The following EXT1 variants were observed in gnomAD, a reference collection of about 807,000 sequenced individuals.
EXT1 encodes the protein exostosin-1.
Under a neutral mutation model 82.5 loss-of-function variants are expected in EXT1, and 20 were observed. The observed-to-expected ratio is 0.24, with a 90% CI of 0.17 to 0.35. The LOEUF (loss-of-function observed/expected upper bound fraction) is 0.35. Among genes scored for constraint, EXT1 ranks in the 10% least tolerant of loss-of-function variants. EXT1 has a pLI of 1.00. For missense variants in EXT1, 757 were observed against 936.5 expected, an observed-to-expected ratio of 0.81 and a Z score of 2.50; for synonymous variants, 348 against 350.8, an observed-to-expected ratio of 0.99 and a Z score of 0.09.
At chr8:117,911,070 G>A (rs142132595) in intron 1 of EXT1, among the ~76,000 whole-genome samples, 3 of 152,254 alleles carry the variant, frequency 2.0e-5, no homozygotes, top group Non-Finnish European at 4.4e-5. Context: ...ACAATAACAC[G>A]TGCTCTCCAA....
At chr8:117,858,779 AGGC>A (rs1587014754) in intron 1 of EXT1, among the ~76,000 whole-genome samples, 1 of 131,086 alleles carries the variant, frequency 7.6e-6, no homozygotes, top group African/African-American at 3.5e-5. Flanking sequence ...GCAGGCAGGC[AGGC>A]AGGCAGGCAA....
chr8:118,070,073 C>T (rs1027834104), intron 1 of EXT1, among the ~76,000 whole-genome samples: 15 of 152,116 alleles, frequency 9.9e-5, no homozygotes, highest in African/African-American at 3.1e-4. Context: ...TTAAAGTAAA[C>T]ATAAAAATAT....
At chr8:117,845,130 C>T (rs554733558) in intron 1 of EXT1, among the ~76,000 whole-genome samples, 2 of 152,306 alleles carry the variant, frequency 1.3e-5, no homozygotes, top group African/African-American at 4.8e-5. Context: ...AAATCCATTT[C>T]AGCATAGGGA....
chr8:118,105,369 G>A (rs1400974612), intron 1 of EXT1, among the ~76,000 whole-genome samples: 1 of 152,192 alleles, frequency 6.6e-6, no homozygotes, highest in Non-Finnish European at 1.5e-5. Context: ...TTAGTAACAA[G>A]CCATTATTCG....
intron 1 of EXT1, among the ~76,000 whole-genome samples, chr8:118,002,753 C>T (rs1056742597): frequency 4.6e-5 from 7 of 151,892 alleles, no homozygotes; most frequent in African/African-American, 1.7e-4. Context: ...AGGATGGTCT[C>T]GATTTCCTGA....
At chr8:117,876,770 G>A (rs1326487819) in intron 1 of EXT1, among the ~76,000 whole-genome samples, 4 of 152,170 alleles carry the variant, frequency 2.6e-5, no homozygotes, top group African/African-American at 9.7e-5. Context: ...AGTCACTAGT[G>A]ATTGGAGATT....
chr8:117,857,960 A>G (rs1812594705), intron 1 of EXT1, among the ~76,000 whole-genome samples: 1 of 152,212 alleles, frequency 6.6e-6, no homozygotes, highest in Non-Finnish European at 1.5e-5. Flanking sequence ...GGAGTTCAAG[A>G]CTTCAGAAGA....
intron 1 of EXT1, among the ~76,000 whole-genome samples, chr8:117,902,117 C>T (rs1813461212): frequency 6.6e-6 from 1 of 151,766 alleles, no homozygotes; most frequent in Non-Finnish European, 1.5e-5. Flanking sequence ...GTATCTCTGT[C>T]TTCCATCTCC....
chr8:118,095,769 T>G (rs2130008976), intron 1 of EXT1, among the ~76,000 whole-genome samples: 1 of 152,344 alleles, frequency 6.6e-6, no homozygotes, highest in South Asian at 2.1e-4. Flanking sequence ...TCACCAAATC[T>G]GAATCAATTT....
Position 117,821,681 on chromosome 8 carries a change from A to AACGGC in EXT1, c.1417+779_1417+783dup, listed in dbSNP as rs368947777. Among the ~76,000 whole-genome samples, 10 of 152,340 alleles carry AACGGC rather than the reference A, an allele frequency of 6.6e-5. No homozygotes were observed. The East Asian group carries it at 1.9e-3, about 29-fold the overall frequency. ...AAAGGGTGAGGGTGTTACGGAGAAC[A>AACGGC]ACGGCACTGAATGGAAAATCTTGTC... On this transcript the variant is annotated intron_variant, in intron 5 of 10. Transcript: ENST00000378204.
chr8:117,947,356 G>A (rs947292814), intron 1 of EXT1, among the ~76,000 whole-genome samples: 1 of 152,076 alleles, frequency 6.6e-6, no homozygotes, highest in African/African-American at 2.4e-5. Flanking sequence ...ATGTTTACAT[G>A]AAAAATATAC....
intron 1 of EXT1, among the ~76,000 whole-genome samples, chr8:118,066,355 T>TATTG (rs1816987244): frequency 6.6e-6 from 1 of 150,882 alleles, no homozygotes; most frequent in Non-Finnish European, 1.5e-5. Flanking sequence ...TTTATTTATT[T>TATTG]ATTTATTTAT....
At chr8:117,870,823 T>TCACACACACACA (rs59973422) in intron 1 of EXT1, among the ~76,000 whole-genome samples, 5,426 of 146,794 alleles carry the variant, frequency 0.037, 310 homozygotes, top group African/African-American at 0.13. Flanking sequence ...AAATGCTTTG[T>TCACACACACACA]CACACACACA....
intron 1 of EXT1, among the ~76,000 whole-genome samples, chr8:118,092,029 C>T (rs1449933916): frequency 6.6e-6 from 1 of 152,072 alleles, no homozygotes; most frequent in Non-Finnish European, 1.5e-5. Flanking sequence ...TCTCATGAAC[C>T]TAATTGTTAT....
intron 1 of EXT1, among the ~76,000 whole-genome samples, chr8:117,844,881 C>A (rs1563577757): frequency 6.7e-6 from 1 of 149,762 alleles, no homozygotes; most frequent in Non-Finnish European, 1.5e-5. Context: ...TTACTCAAGA[C>A]AGTTTTTTGC....
intron 1 of EXT1, among the ~76,000 whole-genome samples, chr8:118,002,706 G>C (rs1815697929): frequency 6.6e-6 from 1 of 151,460 alleles, no homozygotes; most frequent in African/African-American, 2.4e-5. Context: ...TAATTTTTTT[G>C]TATTTTTAGT....
intron 1 of EXT1, among the ~76,000 whole-genome samples, chr8:118,073,966 C>A (rs1817155005): frequency 6.6e-6 from 1 of 152,126 alleles, no homozygotes; most frequent in African/African-American, 2.4e-5. Context: ...CTGGAACCTT[C>A]CTTCTCAGTT....
At chr8:118,040,547 T>A (rs896368823) in intron 1 of EXT1, among the ~76,000 whole-genome samples, 1 of 152,198 alleles carries the variant, frequency 6.6e-6, no homozygotes, top group Non-Finnish European at 1.5e-5. Context: ...CATGCTACAA[T>A]TGCAACAAGG....
At chr8:118,038,644 A>AT (rs1250283828) in intron 1 of EXT1, among the ~76,000 whole-genome samples, 1 of 152,252 alleles carries the variant, frequency 6.6e-6, no homozygotes, top group African/African-American at 2.4e-5. Context: ...CCCTGTGTTT[A>AT]TCTTGTCTCC....
Sources: gnomAD v4.1 joint callset for allele counts (sites outside exome capture counted in the v4.1 genomes callset) on GRCh38, gnomAD v4.1.1 for gene constraint, MANE v1.5 for transcripts, NCBI Gene and HGNC (gene_info 2026-07-23, HGNC 2026-07-21) for gene names.